The following CYP24A1 variants were observed in gnomAD, a reference collection of about 807,000 sequenced individuals.
CYP24A1 encodes cytochrome P450 family 24 subfamily A member 1, also known as 1,25-dihydroxyvitamin D(3) 24-hydroxylase, mitochondrial.
CYP24A1 carries 68 observed loss-of-function variants against 62.4 expected under a neutral mutation model. The ratio of observed to expected loss-of-function variants is 1.09; its 90% CI spans 0.90 to 1.33. The LOEUF (loss-of-function observed/expected upper bound fraction) is 1.33. CYP24A1 is among the 40% of genes most tolerant of loss of function. CYP24A1 has a pLI of 0.00. For synonymous variants in CYP24A1, 267 were observed against 253.0 expected (o/e 1.06, Z -0.52); for missense variants, 787 against 653.0 (o/e 1.21, Z -2.24).
chr20:54,150,859 T>C (rs2092611477), downstream of CYP24A1, among the ~76,000 whole-genome samples: 1 of 152,128 alleles, frequency 6.6e-6, no homozygotes, highest in South Asian at 2.1e-4. Flanking sequence ...ATTTCCTCAA[T>C]CAGAGAGGCA....
chr20:54,160,923 T>A (rs1465377578), intron 7 of CYP24A1, among the ~76,000 whole-genome samples: 1 of 152,216 alleles, frequency 6.6e-6, no homozygotes, highest in Non-Finnish European at 1.5e-5. Flanking sequence ...TTGATTGACC[T>A]CCATGGAACA....
chr20:54,153,868 G>C lies in CYP24A1; in HGVS notation c.*904C>G, dbSNP rs1162920170. The C allele has an allele frequency of 1.3e-5, 2 of 152,518 alleles. No homozygotes were observed. Among genetic ancestry groups the C allele is most frequent in the Non-Finnish European group, 2.9e-5 (2 of 68,012 alleles). The allele number at this position is 152,518 out of a possible 1,614,324, so 9.4% of individuals were successfully genotyped here. A position where few individuals can be genotyped will look rare whatever the true frequency, so the allele number is the denominator to read the frequency against. ...TCTAACTTTTGCATGCTTTACACTT[G>C]TCCCATTTAATAGACAGAAAAATTA... On this transcript the variant is annotated 3_prime_UTR_variant, in exon 12 of 12. Coordinates refer to ENST00000216862, the MANE Select transcript of CYP24A1 (RefSeq NM_000782.5).
Position 54,172,929 on chromosome 20 carries a change from T to G in CYP24A1, c.429A>C (p.Glu143Asp), listed in dbSNP as rs370328266. The G allele has an allele frequency of 7.1e-5, 114 of 1,612,004 alleles. No individual in the cohort carries two copies. Among genetic ancestry groups the G allele is most frequent in the Non-Finnish European group, 9.4e-5 (111 of 1,178,536 alleles). The part of the protein sequence containing the change: ...PWKAYRDYRK[E>D]GYGLLILEGE... ...CTCACAGGATCAGCAGCCCGTAGCC[T>G]TCTTTGCGGTAGTCGCGATAGGCCT... The change falls in exon 2 of 12, where the codon GAA becomes GAC. Residue 143 changes from glutamate (E) to aspartate (D), a missense_variant. Physicochemically the swap from Glu to Asp is conservative, Grantham distance 45 (BLOSUM62 2). Transcript: ENST00000216862.
chr20:54,162,759 C>G lies in CYP24A1; in HGVS notation c.948G>C (p.Leu316Phe). 1.3e-6 allele frequency: 2 copies of G among 1,598,348 alleles called. No individual in the cohort carries two copies. Among genetic ancestry groups the G allele is most frequent in the Non-Finnish European group, 8.6e-7 (1 of 1,165,894 alleles). The change falls in exon 7 of 12, where the codon TTG becomes TTC. Residue 316 changes from leucine (L) to phenylalanine (F), a missense_variant. Transcript: ENST00000216862. Reference protein sequence around the residue: ...YHQNRLSKKELYAAVTELQLA... With the variant: ...YHQNRLSKKEFYAAVTELQLA... ...GCTGGAGCTCTGTGACAGCAGCATACAATTCTTTCTTTGAAAGCCGATTCT... is the reference window on the plus strand; with the variant it reads ...GCTGGAGCTCTGTGACAGCAGCATAGAATTCTTTCTTTGAAAGCCGATTCT...
intron 11 of CYP24A1, among the ~76,000 whole-genome samples, chr20:54,156,847 C>T (rs941053468): frequency 3.9e-5 from 6 of 152,168 alleles, no homozygotes; most frequent in Admixed American, 1.3e-4. Flanking sequence ...TGGCCCTTTA[C>T]GGAAAAAGTT....
At position 54,173,617 on chromosome 20, in the gene CYP24A1, A is replaced by T. The variant is rs114797662; in HGVS notation, c.-38T>A. The stretch of plus-strand genomic sequence containing the variant: ...CACCGGAGCGCGGGAAGGCAGGAGG[A>T]TGGGGTGGGGCGAGGTTGGTACGAG... On this transcript the variant is annotated 5_prime_UTR_variant, in exon 1 of 12. Coordinates refer to ENST00000216862, the MANE Select transcript of CYP24A1 (RefSeq NM_000782.5). The surrounding 1 kb of genome is among the most constrained non-coding windows in gnomAD (Gnocchi z 7.2). 4.2e-4 allele frequency: 641 copies of T among 1,513,806 alleles called. 2 individuals are homozygous for T. In the African/African-American group the frequency reaches 7.8e-3, roughly 18 times the overall value. 93.8% of individuals were successfully genotyped at this position (1,513,806 alleles called of 1,614,324 possible). A position where few individuals can be genotyped will look rare whatever the true frequency, so the allele number is the denominator to read the frequency against.
At chr20:54,168,845 TTCTTCCTTCCTTCCTTCCTTCCTTCCTTC>T (rs2092682941) in intron 4 of CYP24A1, among the ~76,000 whole-genome samples, 1 of 33,556 alleles carries the variant, frequency 3.0e-5, no homozygotes, top group Non-Finnish European at 5.4e-5. Flanking sequence ...CCTCCCTCCC[TTCTTCCTTCCTTCCTTCCTTCCTTCCTTC>T]CTTCCTTCCT....
chr20:54,161,337 C>T (rs1218157814), intron 7 of CYP24A1, among the ~76,000 whole-genome samples: 1 of 152,120 alleles, frequency 6.6e-6, no homozygotes, highest in African/African-American at 2.4e-5. Flanking sequence ...TAATCATCTC[C>T]ATCTCTCTAT....
At chr20:54,166,709 A>G (rs548662481) in intron 4 of CYP24A1, among the ~76,000 whole-genome samples, 37 of 152,080 alleles carry the variant, frequency 2.4e-4, no homozygotes, top group African/African-American at 8.7e-4. Context: ...TGTCCTAAAA[A>G]TTATCTCTTG....
At chr20:54,160,209 C>G (rs1284788214) in intron 7 of CYP24A1, among the ~76,000 whole-genome samples, 1 of 152,218 alleles carries the variant, frequency 6.6e-6, no homozygotes, top group Non-Finnish European at 1.5e-5. Flanking sequence ...GCTGAGTACT[C>G]CAGCTACAGT....
chr20:54,168,870 C>CCTTCCCTCCCTCCCTCCCTT, intron 4 of CYP24A1, among the ~76,000 whole-genome samples: 1 of 64,126 alleles, frequency 1.6e-5, no homozygotes, highest in Non-Finnish European at 3.1e-5. Context: ...TTCCTTCCTT[C>CCTTCCCTCCCTCCCTCCCTT]CTTCCTTCCT....
At chr20:54,160,648 C>T (rs78298393) in intron 7 of CYP24A1, among the ~76,000 whole-genome samples, 1 of 152,264 alleles carries the variant, frequency 6.6e-6, no homozygotes, top group East Asian at 1.9e-4. Context: ...AGGGTGTAGC[C>T]ATCAAATTAG....
At chr20:54,171,231 G>A (rs957289681) in intron 3 of CYP24A1, among the ~76,000 whole-genome samples, 3 of 152,170 alleles carry the variant, frequency 2.0e-5, no homozygotes, top group Non-Finnish European at 4.4e-5. Context: ...CTCCCATTTT[G>A]TAGATGGGGA....
In CYP24A1 at chr20:54,169,477, T is replaced by TGG. The variant is rs2092686156; in HGVS notation, c.640+113_640+114dup. 3 of 1,568,916 alleles carry TGG rather than the reference T, an allele frequency of 1.9e-6. No homozygotes were observed. The Admixed American group carries it at 5.4e-5, about 29-fold the overall frequency. On this transcript the variant is annotated intron_variant, in intron 4 of 11. Coordinates refer to ENST00000216862, the MANE Select transcript of CYP24A1 (RefSeq NM_000782.5). The stretch of plus-strand genomic sequence containing the variant: ...AAAAGAAGCATTAAAAGGGCTGCTC[T>TGG]GGCCTTTCCCTAGGCAGCAATAATG...
intron 11 of CYP24A1, 62 bp downstream of exon 11, chr20:54,157,107 A>G (rs900280826): frequency 1.2e-6 from 1 of 843,440 alleles, no homozygotes; most frequent in Admixed American, 2.0e-5. Context: ...ACTTCCCAGC[A>G]TAGCTCATCC....
downstream of CYP24A1, among the ~76,000 whole-genome samples, chr20:54,150,824 G>A (rs1379681360): frequency 2.6e-5 from 4 of 152,226 alleles, no homozygotes; most frequent in Admixed American, 6.5e-5. Context: ...GCTGAGCATA[G>A]AGCAGGGATG....
chr20:54,164,973 C>T (rs1204710620), intron 5 of CYP24A1, among the ~76,000 whole-genome samples: 3 of 152,164 alleles, frequency 2.0e-5, no homozygotes, highest in African/African-American at 7.2e-5. Flanking sequence ...AAGATAAAAT[C>T]TGAAAAATTT....
At chr20:54,152,916 A>G (rs6097807), downstream of CYP24A1, among the ~76,000 whole-genome samples, 50,072 of 152,090 alleles carry the variant, frequency 0.33, 9,231 homozygotes, top group East Asian at 0.59. Flanking sequence ...TCCTGCAGAG[A>G]CTAGAGATAT....
chr20:54,168,136 A>G (rs545586433), intron 4 of CYP24A1, among the ~76,000 whole-genome samples: 29 of 152,126 alleles, frequency 1.9e-4, no homozygotes, highest in South Asian at 1.5e-3. Flanking sequence ...GAGGGGCACC[A>G]TCTCTGTGAA....
Sources: allele counts gnomAD v4.1 joint callset (sites outside exome capture counted in the v4.1 genomes callset), GRCh38; gene constraint gnomAD v4.1.1; non-coding constraint Gnocchi (gnomAD v3.1); transcripts MANE v1.5; gene names NCBI Gene and HGNC (gene_info 2026-07-23, HGNC 2026-07-21).